The following IGDCC3 variants were observed in gnomAD, a reference collection of about 807,000 sequenced individuals.
The protein encoded by IGDCC3 is immunoglobulin superfamily DCC subclass member 3.
In IGDCC3, 47 loss-of-function variants were observed where a neutral mutation model predicts 72.0. The ratio of observed to expected loss-of-function variants is 0.65; its 90% CI spans 0.52 to 0.83. The LOEUF is 0.83. Among genes scored for constraint, IGDCC3 ranks in the 40% least tolerant of loss-of-function variants. The probability of loss-of-function intolerance (pLI) is 0.00; values close to 1 mark genes in which losing one functional copy is unlikely to be tolerated. For synonymous variants in IGDCC3, 477 were observed against 472.8 expected (o/e 1.01, Z -0.11); for missense variants, 1,038 against 1,091.3 (o/e 0.95, Z 0.69).
intron 2 of IGDCC3, among the ~76,000 whole-genome samples, chr15:65,341,950 T>C (rs1295096197): frequency 6.6e-6 from 1 of 152,152 alleles, no homozygotes; most frequent in African/African-American, 2.4e-5. Context: ...ATTTTTTGTA[T>C]TTTTAGTAGA....
intron 6 of IGDCC3, among the ~76,000 whole-genome samples, chr15:65,332,571 A>G (rs955717281): frequency 6.6e-6 from 1 of 152,188 alleles, no homozygotes; most frequent in Non-Finnish European, 1.5e-5. Flanking sequence ...CCGGGAAATG[A>G]AATGCTCCAT....
At chr15:65,337,091 C>T (rs1156316536) in intron 2 of IGDCC3, among the ~76,000 whole-genome samples, 7 of 152,180 alleles carry the variant, frequency 4.6e-5, no homozygotes, top group African/African-American at 1.7e-4. Flanking sequence ...GCCACCCTCC[C>T]CGTGGCCCCC....
chr15:65,355,805 C>A, intron 2 of IGDCC3: 1 of 453,084 alleles, frequency 2.2e-6, no homozygotes, highest in South Asian at 1.6e-5. Flanking sequence ...TCCTCGCACG[C>A]CAAACGAGGG....
chr15:65,361,299 G>C (rs1250822024), intron 2 of IGDCC3, among the ~76,000 whole-genome samples: 2 of 150,956 alleles, frequency 1.3e-5, no homozygotes, highest in African/African-American at 4.9e-5. Flanking sequence ...AACATTAGCT[G>C]GGTGTGGTGG....
At chr15:65,337,792 C>G (rs1015189503) in intron 2 of IGDCC3, among the ~76,000 whole-genome samples, 4 of 152,140 alleles carry the variant, frequency 2.6e-5, no homozygotes, top group Non-Finnish European at 5.9e-5. Context: ...TCCCCCAGGC[C>G]CTGCTCCTTC....
intron 1 of IGDCC3, 79 bp from the exon 2 acceptor site, chr15:65,375,481 G>A: frequency 8.3e-7 from 1 of 1,211,976 alleles, no homozygotes; most frequent in Non-Finnish European, 1.1e-6. Flanking sequence ...CCACCCACAT[G>A]GTTCCAAGTT....
At chr15:65,370,526 A>G (rs2091316803) in intron 2 of IGDCC3, among the ~76,000 whole-genome samples, 1 of 143,014 alleles carries the variant, frequency 7.0e-6, no homozygotes, top group Non-Finnish European at 1.5e-5. Flanking sequence ...ATATATATAT[A>G]TATATATATA....
Position 65,331,572 on chromosome 15 carries a change from A to ACTG in IGDCC3, c.1233_1235dup (p.Ser412dup). 1 of 1,613,708 alleles carries ACTG rather than the reference A, an allele frequency of 6.2e-7. No individual in the cohort carries two copies. On this transcript the variant is annotated inframe_insertion, in exon 8 of 14. Coordinates refer to ENST00000327987, the MANE Select transcript of IGDCC3 (RefSeq NM_004884.4). ...CAGCCCACAGTACGGTCAGCCTGGC[A>ACTG]CTGGCCTGTGATGAGCCCGCACTGT...
At position 65,328,808 on chromosome 15, in the gene IGDCC3, G is replaced by A; in HGVS notation, c.*101C>T. The A allele has an allele frequency of 1.5e-6, 2 of 1,354,348 alleles. No homozygotes were observed. The highest frequency in any genetic ancestry group is 1.9e-6 in the Non-Finnish European group (2 of 1,029,514). 83.9% of individuals were successfully genotyped at this position (1,354,348 alleles called of 1,614,324 possible). A position where few individuals can be genotyped will look rare whatever the true frequency, so the allele number is the denominator to read the frequency against. On this transcript the variant is annotated 3_prime_UTR_variant, in exon 14 of 14. Transcript: ENST00000327987. ...GCAGTCAGGATAGAAATGCTGGGGA[G>A]CCCCCAGGACCATCCAAATCCCACA...
rs1050978937 is a variant in IGDCC3, at chr15:65,377,561, C to G, written c.103+125G>C. 17 of 993,912 alleles carry G rather than the reference C, an allele frequency of 1.7e-5. No individual in the cohort carries two copies. Among genetic ancestry groups the G allele is most frequent in the Non-Finnish European group, 2.2e-5 (17 of 768,832 alleles). 61.6% of individuals were successfully genotyped at this position (993,912 alleles called of 1,614,324 possible). A position where few individuals can be genotyped will look rare whatever the true frequency, so the allele number is the denominator to read the frequency against. ...CCGTCCGGATCCGCAGGGTCCCCCC[C>G]GCGCGGGGTCCGCCCTCAGGTCCGC... On this transcript the variant is annotated intron_variant, in intron 1 of 13. Coordinates refer to ENST00000327987, the MANE Select transcript of IGDCC3 (RefSeq NM_004884.4). The surrounding 1 kb of genome is among the most constrained non-coding windows in gnomAD (Gnocchi z 4.9).
intron 2 of IGDCC3, among the ~76,000 whole-genome samples, chr15:65,346,396 T>C (rs1219810137): frequency 1.3e-5 from 2 of 152,104 alleles, no homozygotes; most frequent in Admixed American, 6.5e-5. Flanking sequence ...TGTGGGGGGA[T>C]TGGGAGGAAG....
intron 1 of IGDCC3, among the ~76,000 whole-genome samples, chr15:65,376,362 A>G (rs2091358787): frequency 6.6e-6 from 1 of 152,266 alleles, no homozygotes; most frequent in Admixed American, 6.5e-5. Context: ...CATGATGCCA[A>G]GTCACCAACT....
rs973774313 is a variant in IGDCC3, at chr15:65,377,746, G to C, written c.43C>G (p.Pro15Ala). 20 of 1,317,582 alleles carry C rather than the reference G, an allele frequency of 1.5e-5. No homozygotes were observed. In the African/African-American group the frequency reaches 2.8e-4, roughly 18 times the overall value. The allele number at this position is 1,317,582 out of a possible 1,614,324, so 81.6% of individuals were successfully genotyped here. Residue 15 changes from proline (P) to alanine (A), a missense_variant, in exon 1 of 14, where the codon CCG becomes GCG. Transcript: ENST00000327987. This position sits in a 1 kb window ranked among gnomAD's most constrained non-coding sequence, Gnocchi z 4.9. Reference protein sequence around the residue: ...RAASPRRPPAPLWPRLLLPLL... With the variant: ...RAASPRRPPAALWPRLLLPLL... ...GGCAGCAGGAGCCGGGGCCAGAGCGGGGCGGGCGGGCGGCGCGGAGACGCG... is the reference window on the plus strand; with the variant it reads ...GGCAGCAGGAGCCGGGGCCAGAGCGCGGCGGGCGGGCGGCGCGGAGACGCG...
At chr15:65,350,142 A>AT (rs979672220) in intron 2 of IGDCC3, among the ~76,000 whole-genome samples, 1 of 152,038 alleles carries the variant, frequency 6.6e-6, no homozygotes, top group African/African-American at 2.4e-5. Context: ...TTATTTAAAT[A>AT]TTTTTTTGAG....
At position 65,377,069 on chromosome 15, in the gene IGDCC3, T is replaced by C. The variant is rs533974918; in HGVS notation, c.103+617A>G. Reference sequence around the variant, plus strand: ...ATCCCCGCGGCTCGCTCGCTCTCGCTTTCGGTGGCTTCTCCTCTCCTTCTT... The same window carrying C: ...ATCCCCGCGGCTCGCTCGCTCTCGCCTTCGGTGGCTTCTCCTCTCCTTCTT... On this transcript the variant is annotated intron_variant, in intron 1 of 13. Transcript: ENST00000327987. The surrounding 1 kb of genome is among the most constrained non-coding windows in gnomAD (Gnocchi z 4.9). Among the ~76,000 whole-genome samples, 16 of 152,154 alleles carry C rather than the reference T, an allele frequency of 1.1e-4. No individual in the cohort carries two copies. Among genetic ancestry groups the C allele is most frequent in the African/African-American group, 3.9e-4 (16 of 41,524 alleles).
chr15:65,333,163 G>A lies in IGDCC3; in HGVS notation c.982+94C>T, dbSNP rs138799023. The A allele has an allele frequency of 9.6e-5, 121 of 1,261,030 alleles. No homozygotes were observed. The African/African-American group carries it at 1.6e-3, about 17-fold the overall frequency. The allele number at this position is 1,261,030 out of a possible 1,614,324, so 78.1% of individuals were successfully genotyped here. A position where few individuals can be genotyped will look rare whatever the true frequency, so the allele number is the denominator to read the frequency against. On this transcript the variant is annotated intron_variant, in intron 6 of 13. Coordinates refer to ENST00000327987, the MANE Select transcript of IGDCC3 (RefSeq NM_004884.4). ...AGGGGCAGGGCGAGTCCAGGAGACT[G>A]GGGTGGGACAGGGCCCTGGGGTTGG...
chr15:65,353,320 A>G (rs1033133744), intron 2 of IGDCC3, among the ~76,000 whole-genome samples: 2 of 144,728 alleles, frequency 1.4e-5, no homozygotes, highest in Non-Finnish European at 3.0e-5. Context: ...GCACAATCTT[A>G]GCTCACTGCA....
At chr15:65,335,488 G>A in intron 3 of IGDCC3, 67 bp from the exon 4 acceptor site, 1 of 1,510,368 alleles carries the variant, frequency 6.6e-7, no homozygotes, top group Non-Finnish European at 9.0e-7. Context: ...CAAAGACTCT[G>A]GGCATCCAAG....
At chr15:65,368,311 G>A (rs1231556992) in intron 2 of IGDCC3, among the ~76,000 whole-genome samples, 1 of 151,878 alleles carries the variant, frequency 6.6e-6, no homozygotes, top group Non-Finnish European at 1.5e-5. Context: ...AGGGTTAAGG[G>A]GGGCTGGGGG....
Sources: gnomAD v4.1 joint callset for allele counts (sites outside exome capture counted in the v4.1 genomes callset) on GRCh38, gnomAD v4.1.1 for gene constraint, Gnocchi (gnomAD v3.1) non-coding constraint, MANE v1.5 for transcripts, NCBI Gene and HGNC (gene_info 2026-07-23, HGNC 2026-07-21) for gene names.